The following GRB10 variants were observed in gnomAD, a reference collection of about 807,000 sequenced individuals.
The protein encoded by GRB10 is growth factor receptor-bound protein 10.
A neutral mutation model predicts 80.9 loss-of-function variants in GRB10; 20 were observed. The observed-to-expected ratio is 0.25, with a 90% CI of 0.17 to 0.36. The LOEUF is 0.36. Among genes scored for constraint, GRB10 ranks in the 10% least tolerant of loss-of-function variants. The pLI, the probability that GRB10 is intolerant of heterozygous loss-of-function variation, is 1.00. For synonymous variants in GRB10, 291 were observed against 291.5 expected, an observed-to-expected ratio of 1.00 and a Z score of 0.02; for missense variants, 548 against 747.7, an observed-to-expected ratio of 0.73 and a Z score of 3.12.
rs143373743 is a variant in GRB10, at chr7:50,733,556, G to A, written c.-46-1188C>T. Among the ~76,000 whole-genome samples, 970 of 152,322 alleles carry A rather than the reference G, an allele frequency of 6.4e-3. 6 individuals are homozygous for A. Among genetic ancestry groups the A allele is most frequent in the Middle Eastern group, 0.027 (8 of 294 alleles). On this transcript the variant is annotated intron_variant, in intron 3 of 18. Coordinates refer to ENST00000401949, the MANE Select transcript of GRB10 (RefSeq NM_001350814.2). ...AACACTTTGCTGGGGCTGAAAGGAA[G>A]CAGTCAATAGCAGTGGAAGTACTGG...
At chr7:50,594,429 G>A (rs1038107311) in intron 18 of GRB10, among the ~76,000 whole-genome samples, 1 of 152,180 alleles carries the variant, frequency 6.6e-6, no homozygotes, top group African/African-American at 2.4e-5. Flanking sequence ...CAAAGTCCTG[G>A]GGGTCAGATA....
At chr7:50,628,729 C>G (rs2053467494) in intron 7 of GRB10, among the ~76,000 whole-genome samples, 1 of 152,152 alleles carries the variant, frequency 6.6e-6, no homozygotes. Context: ...TTCTCCAACT[C>G]AAAGAAATCC....
chr7:50,664,474 G>T (rs965145267), intron 7 of GRB10, among the ~76,000 whole-genome samples: 5 of 152,214 alleles, frequency 3.3e-5, no homozygotes, highest in Middle Eastern at 3.2e-3. Context: ...GTGTGTCTGT[G>T]GGGGCAGGGG....
intron 4 of GRB10, chr7:50,705,327 G>T: frequency 1.0e-6 from 1 of 984,582 alleles, no homozygotes; most frequent in East Asian, 1.1e-4. Context: ...AGAATATCTG[G>T]AGAAAACAAA....
At position 50,590,215 on chromosome 7, in the gene GRB10, T is replaced by G. The variant is rs1421518187; in HGVS notation, c.*2737A>C. ...GAAGCAAAGCACATGGAATAAAGGT[T>G]TTGTCTCTTCATTAATACCTTCTGC... On this transcript the variant is annotated 3_prime_UTR_variant, in exon 19 of 19. Coordinates refer to ENST00000401949, the MANE Select transcript of GRB10 (RefSeq NM_001350814.2). The G allele has an allele frequency of 6.6e-6, 1 of 152,160 alleles. No homozygotes were observed. The allele number at this position is 152,160 out of a possible 1,614,324, so 9.4% of individuals were successfully genotyped here. A position where few individuals can be genotyped will look rare whatever the true frequency, so the allele number is the denominator to read the frequency against.
At chr7:50,609,695 A>G (rs895614008) in intron 13 of GRB10, among the ~76,000 whole-genome samples, 4 of 152,230 alleles carry the variant, frequency 2.6e-5, no homozygotes, top group Non-Finnish European at 4.4e-5. Context: ...TCTACAGTAG[A>G]TTAAGAGACT....
At chr7:50,756,160 A>AT (rs34891242) in intron 2 of GRB10, 104 bp from the exon 3 acceptor site, 1 of 397,820 alleles carries the variant, frequency 2.5e-6, no homozygotes, top group Non-Finnish European at 4.4e-6. Flanking sequence ...ATGAAAGAAT[A>AT]TTTTTTTCCA....
chr7:50,641,964 T>G (rs2056341428), intron 7 of GRB10, among the ~76,000 whole-genome samples: 1 of 152,156 alleles, frequency 6.6e-6, no homozygotes, highest in Non-Finnish European at 1.5e-5. Context: ...AACTCACTGC[T>G]GCTCACCTGA....
intron 7 of GRB10, among the ~76,000 whole-genome samples, chr7:50,666,914 C>T (rs1477861234): frequency 4.6e-5 from 7 of 152,062 alleles, no homozygotes; most frequent in Non-Finnish European, 8.8e-5. Context: ...GTGGCGGGCG[C>T]CTGTAGTCCC....
At position 50,732,296 on chromosome 7, in the gene GRB10, G is replaced by A; in HGVS notation, c.27C>T (p.Ser9=). 6.2e-7 allele frequency: 1 copy of A among 1,614,036 alleles called. No individual in the cohort carries two copies. Residue 9 remains serine, a synonymous_variant, in exon 4 of 19, where the codon TCC becomes TCT. Coordinates refer to ENST00000401949, the MANE Select transcript of GRB10 (RefSeq NM_001350814.2). MALAGCPD[S]FLHHPYYQDK... Reference sequence around the variant, plus strand: ...CCTGGTAGTACGGATGGTGCAAAAAGGAATCTGGGCAGCCGGCTAAAGCCA... The same window carrying A: ...CCTGGTAGTACGGATGGTGCAAAAAAGAATCTGGGCAGCCGGCTAAAGCCA...
chr7:50,612,808 A>G lies in GRB10; in HGVS notation c.1127T>C (p.Leu376Pro). 1 of 1,614,054 alleles carries G rather than the reference A, an allele frequency of 6.2e-7. No homozygotes were observed. Residue 376 changes from leucine (L) to proline (P), a missense_variant, in exon 13 of 19, where the codon CTG (leucine) becomes CCG (proline). By Grantham distance (98) the Leu-to-Pro change is moderately conservative. Around this residue, in one of 4 missense-constraint regions of GRB10, gnomAD observed 270 missense variants for 433.6 expected, o/e 0.62. Transcript: ENST00000401949. ...CTCGTCCTCTGCACAGAGCAACCTCAGCTCTTTAGTTTCATTCCTGACTTT... is the reference window on the plus strand; with the variant it reads ...CTCGTCCTCTGCACAGAGCAACCTCGGCTCTTTAGTTTCATTCCTGACTTT... Reference protein sequence around the residue: ...PNKVRNETKELRLLCAEDEQT... With the variant: ...PNKVRNETKEPRLLCAEDEQT...
chr7:50,737,348 T>C (rs1474868263), intron 3 of GRB10, among the ~76,000 whole-genome samples: 4 of 152,166 alleles, frequency 2.6e-5, no homozygotes, highest in African/African-American at 4.8e-5. Flanking sequence ...TAAAAGTGTG[T>C]AGCACCTCCC....
intron 3 of GRB10, among the ~76,000 whole-genome samples, chr7:50,736,025 G>A (rs1197909833): frequency 1.3e-5 from 2 of 152,196 alleles, no homozygotes; most frequent in African/African-American, 2.4e-5. Flanking sequence ...GGTGGCTCAC[G>A]CCTGTAAACC....
At chr7:50,679,466 C>T (rs754653653) in intron 5 of GRB10, among the ~76,000 whole-genome samples, 6 of 152,160 alleles carry the variant, frequency 3.9e-5, no homozygotes, top group Non-Finnish European at 7.3e-5. Flanking sequence ...GTCTTCTTTA[C>T]ATTGTTTAGG....
intron 1 of GRB10, among the ~76,000 whole-genome samples, chr7:50,790,206 G>A (rs147554279): frequency 1.8e-3 from 271 of 152,338 alleles, no homozygotes; most frequent in Admixed American, 3.8e-3. Context: ...CCAGCCAGGG[G>A]CTGAATGGAT....
chr7:50,740,982 C>G (rs1052158851), intron 3 of GRB10, among the ~76,000 whole-genome samples: 1 of 152,052 alleles, frequency 6.6e-6, no homozygotes, highest in South Asian at 2.1e-4. Flanking sequence ...AGCAAAGAAA[C>G]AATAATCCAA....
At chr7:50,623,505 C>T (rs1284767439) in intron 8 of GRB10, among the ~76,000 whole-genome samples, 5 of 152,208 alleles carry the variant, frequency 3.3e-5, no homozygotes, top group African/African-American at 1.2e-4. Context: ...GAAAAACCAC[C>T]CTCAGCGAGA....
intron 3 of GRB10, among the ~76,000 whole-genome samples, chr7:50,734,222 C>T (rs1354983333): frequency 3.3e-5 from 5 of 152,178 alleles, no homozygotes; most frequent in African/African-American, 1.2e-4. Context: ...CAGGCGGCCT[C>T]TGCCTTCCAC....
chr7:50,674,629 T>C lies in GRB10; in HGVS notation c.169A>G (p.Asn57Asp), dbSNP rs185094083. 568 of 1,613,838 alleles carry C rather than the reference T, an allele frequency of 3.5e-4. No individual in the cohort carries two copies. The African/African-American group carries it at 6.9e-3, about 20-fold the overall frequency. Residue 57 changes from asparagine to aspartate, a missense_variant, in exon 6 of 19, where the codon AAC (asparagine) becomes GAC (aspartate). Transcript: ENST00000401949. ...EDDVDLEALV[N>D]DMNASLESLY... ...CTCTCCAGGGATGCATTCATATCGT[T>C]CACCAGGGCTTCCAGGTCCACATCA...
Sources: allele counts gnomAD v4.1 joint callset (sites outside exome capture counted in the v4.1 genomes callset), GRCh38; gene constraint gnomAD v4.1.1; regional missense constraint gnomAD v4.1.1; transcripts MANE v1.5; gene names NCBI Gene and HGNC (gene_info 2026-07-23, HGNC 2026-07-21).